The following ARHGEF33 variants were observed in gnomAD, a reference collection of about 807,000 sequenced individuals.
ARHGEF33 encodes Rho guanine nucleotide exchange factor 33.
A neutral mutation model predicts 101.9 loss-of-function variants in ARHGEF33; 72 were observed. The ratio of observed to expected loss-of-function variants is 0.71; its 90% confidence interval spans 0.58 to 0.86. The LOEUF (loss-of-function observed/expected upper bound fraction) is 0.86, where lower values mean the gene tolerates loss of function less well. ARHGEF33 is among the 40% of genes least tolerant of loss of function. ARHGEF33 has a pLI of 0.00. For synonymous variants in ARHGEF33, 499 were observed against 442.5 expected (o/e 1.13, Z -1.60); for missense variants, 1,169 against 1,111.3 (o/e 1.05, Z -0.74).
Position 38,966,083 on chromosome 2 carries a change from A to G in ARHGEF33, c.2421A>G (p.Gln807=). 6.4e-7 allele frequency: 1 copy of G among 1,551,732 alleles called. No individual in the cohort carries two copies. Among genetic ancestry groups the G allele is most frequent in the African/African-American group, 1.4e-5 (1 of 73,166 alleles). ...GTGAACAAACATCTTTCAGCGATCA[A>G]AATCCCAGGCAAGACCAGAAGGGGG... The part of the protein sequence containing the change: ...RESEQTSFSD[Q]NPRQDQKGGF... Residue 807 remains glutamine (Q), a synonymous_variant, in exon 17 of 18, where the codon CAA becomes CAG. Transcript: ENST00000409978.
At chr2:38,908,735 A>T (rs1277472750) in intron 2 of ARHGEF33, among the ~76,000 whole-genome samples, 1 of 152,200 alleles carries the variant, frequency 6.6e-6, no homozygotes, top group Non-Finnish European at 1.5e-5. Context: ...CGTGATGAAC[A>T]TCACTACAGT....
At chr2:38,960,782 G>T (rs2124424697) in intron 16 of ARHGEF33, 134 bp downstream of exon 16, 1 of 703,458 alleles carries the variant, frequency 1.4e-6, no homozygotes, top group Non-Finnish European at 1.8e-6. Flanking sequence ...CGAGCCGTCG[G>T]CGGGTGGAGG....
chr2:38,948,255 T>A (rs887508201), intron 10 of ARHGEF33, among the ~76,000 whole-genome samples: 1 of 152,210 alleles, frequency 6.6e-6, no homozygotes, highest in African/African-American at 2.4e-5. Context: ...CACTCCTCCC[T>A]AATTTCAAAT....
chr2:38,944,073 A>C, intron 10 of ARHGEF33, 43 bp downstream of exon 10: 1 of 1,520,064 alleles, frequency 6.6e-7, no homozygotes, highest in Non-Finnish European at 8.8e-7. Context: ...ATTGATTAGG[A>C]TTTAAGGTAA....
intron 2 of ARHGEF33, among the ~76,000 whole-genome samples, chr2:38,899,832 T>C (rs1405648915): frequency 1.3e-5 from 2 of 152,088 alleles, no homozygotes; most frequent in African/African-American, 4.8e-5. Context: ...ACAATTATAA[T>C]TTGTGAATTA....
At chr2:38,927,938 A>G (rs535219922) in intron 4 of ARHGEF33, among the ~76,000 whole-genome samples, 1 of 152,200 alleles carries the variant, frequency 6.6e-6, no homozygotes, top group African/African-American at 2.4e-5. Flanking sequence ...TTTTCTCCAC[A>G]TTTCTGTTTG....
At chr2:38,945,083 A>C (rs1444860682) in intron 10 of ARHGEF33, among the ~76,000 whole-genome samples, 1 of 152,198 alleles carries the variant, frequency 6.6e-6, no homozygotes, top group African/African-American at 2.4e-5. Flanking sequence ...TAATCCAGAA[A>C]AATTGAAGAA....
intron 2 of ARHGEF33, among the ~76,000 whole-genome samples, chr2:38,915,382 C>CTTTT (rs35975491): frequency 1.9e-4 from 21 of 112,384 alleles, no homozygotes; most frequent in African/African-American, 6.5e-4. Flanking sequence ...TTTTTATTGA[C>CTTTT]TTTTTTTTTT....
chr2:38,958,741 G>C (rs1397371981), intron 15 of ARHGEF33, among the ~76,000 whole-genome samples: 1 of 152,098 alleles, frequency 6.6e-6, no homozygotes, highest in Non-Finnish European at 1.5e-5. Flanking sequence ...AGGTACAATG[G>C]CATGATCTCA....
intron 2 of ARHGEF33, among the ~76,000 whole-genome samples, chr2:38,917,143 G>A (rs1262998861): frequency 2.3e-5 from 3 of 131,726 alleles, no homozygotes; most frequent in African/African-American, 8.5e-5. Flanking sequence ...CTAGGCTGGA[G>A]TGTAGTGGTG....
chr2:38,958,211 T>C lies in ARHGEF33; in HGVS notation c.1535+13T>C, dbSNP rs1197098557. 6.4e-7 allele frequency: 1 copy of C among 1,551,226 alleles called. No individual in the cohort carries two copies. The highest frequency in any genetic ancestry group is 1.2e-5 in the South Asian group (1 of 84,006). ...GCCCTGCCATCACGTAAGCACCTGT[T>C]GCTGTGGGAAGGTTAATGCCAATGC... On this transcript the variant is annotated intron_variant, in intron 15 of 17. Transcript: ENST00000409978.
At chr2:38,916,499 C>T (rs1235190940) in intron 2 of ARHGEF33, among the ~76,000 whole-genome samples, 7 of 152,092 alleles carry the variant, frequency 4.6e-5, no homozygotes, top group Non-Finnish European at 7.3e-5. Flanking sequence ...AGAAAGTTTT[C>T]GTCTTAGTAA....
At chr2:38,905,222 A>G (rs116488462) in intron 2 of ARHGEF33, among the ~76,000 whole-genome samples, 3 of 152,300 alleles carry the variant, frequency 2.0e-5, no homozygotes, top group Non-Finnish European at 4.4e-5. Context: ...TTCCTTAAAG[A>G]CCTGAATACT....
At chr2:38,937,120 G>A (rs1389252522) in intron 8 of ARHGEF33, 19 of 459,566 alleles carry the variant, frequency 4.1e-5, no homozygotes, top group Admixed American at 1.4e-4. Context: ...TCAGCCTCCT[G>A]AGTAGCTGGG....
At chr2:38,891,092 C>T (rs1489554814) in intron 1 of ARHGEF33, among the ~76,000 whole-genome samples, 3 of 151,822 alleles carry the variant, frequency 2.0e-5, no homozygotes, top group African/African-American at 7.3e-5. Flanking sequence ...CACCACCACA[C>T]CCGGCTAATT....
At chr2:38,957,903 G>A (rs1667809496) in intron 14 of ARHGEF33, 131 bp from the exon 15 acceptor site, 1 of 1,118,336 alleles carries the variant, frequency 8.9e-7, no homozygotes, top group Non-Finnish European at 1.3e-6. Context: ...AGTTTGCAAA[G>A]GCCCCTGGAG....
At chr2:38,933,842 C>T (rs995640455) in intron 7 of ARHGEF33, among the ~76,000 whole-genome samples, 1 of 152,158 alleles carries the variant, frequency 6.6e-6, no homozygotes, top group Non-Finnish European at 1.5e-5. Context: ...AGCTGCTTAC[C>T]ACAAATGGCT....
rs1558431246 is a variant in ARHGEF33 at position 38,929,082 on chromosome 2, CTT to C, written c.240+13_240+14del. 1.3e-6 allele frequency: 2 copies of C among 1,539,664 alleles called. No individual in the cohort carries two copies. Among genetic ancestry groups the C allele is most frequent in the Admixed American group, 4.1e-5 (2 of 49,014 alleles). On this transcript the variant is annotated intron_variant, in intron 5 of 17. Transcript: ENST00000409978. ...TTAAACTATTTCAAGGTAGGCCTCT[CTT>C]TAATTTCCCTGCTGACAAGAGAATT...
At chr2:38,908,883 A>G (rs1438176056) in intron 2 of ARHGEF33, among the ~76,000 whole-genome samples, 1 of 152,188 alleles carries the variant, frequency 6.6e-6, no homozygotes, top group Non-Finnish European at 1.5e-5. Flanking sequence ...TTCCTAATAA[A>G]AATAATCTTC....
Sources: allele counts gnomAD v4.1 joint callset (sites outside exome capture counted in the v4.1 genomes callset), GRCh38; gene constraint gnomAD v4.1.1; transcripts MANE v1.5; gene names NCBI Gene and HGNC (gene_info 2026-07-23, HGNC 2026-07-21).